FTSJ1: variants seen among roughly 807,000 people sequenced by gnomAD.
The protein encoded by FTSJ1 is FtsJ RNA 2'-O-methyltransferase 1.
A neutral mutation model predicts 28.5 loss-of-function variants in FTSJ1; 3 were observed. That is an observed-to-expected ratio of 0.11 (90% CI 0.05 to 0.27). The LOEUF is 0.27. FTSJ1 is among the 10% of genes least tolerant of loss of function. The probability of loss-of-function intolerance (pLI) is 1.00; values close to 1 mark genes in which losing one functional copy is unlikely to be tolerated. For synonymous variants in FTSJ1, 104 were observed against 113.9 expected (o/e 0.91, Z 0.55); for missense variants, 162 against 279.0 (o/e 0.58, Z 2.99).
chrX:48,478,522 A>T lies in FTSJ1; in HGVS notation c.191+4A>T, dbSNP rs1175847718. The T allele has an allele frequency of 8.3e-7, 1 of 1,206,033 alleles. No individual in the cohort carries two copies. The highest frequency in any genetic ancestry group is 1.1e-6 in the Non-Finnish European group (1 of 892,055). ...AGGTGCTGAGCCAGAAGATCGGGTA[A>T]GTGTGGGGGTCCCAGATGGGAGACC... is the stretch of plus-strand genomic sequence containing the variant. On this transcript the variant is annotated splice_donor_region_variant and intron_variant, in intron 3 of 12. Transcript: ENST00000348411.
At chrX:48,484,295 G>A (rs1556969503) in intron 12 of FTSJ1, among the ~76,000 whole-genome samples, 2 of 110,463 alleles carry the variant, frequency 1.8e-5, no homozygotes, top group South Asian at 3.8e-4. Context: ...TCTCAAACTC[G>A]TGACCTCAGG....
intron 2 of FTSJ1, 41 bp from the exon 3 acceptor site, chrX:48,478,408 T>C: frequency 8.5e-7 from 1 of 1,170,010 alleles, no homozygotes; most frequent in Non-Finnish European, 1.2e-6. Context: ...GTTGGAGAAG[T>C]GGGTGCAGCT....
Position 48,478,072 on chromosome X carries a change from C to A in FTSJ1, c.25C>A (p.Arg9=). MGRTSKDK[R]DVYYRLAKEN... ...AATGGGACGGACGTCAAAGGACAAG[C>A]GGGATGTCTACTACCGCCTGGCCAA... Residue 9 remains arginine (R), a synonymous_variant, in exon 2 of 13, where the codon CGG becomes AGG. Transcript: ENST00000348411. 1 of 1,210,698 alleles carries A rather than the reference C, an allele frequency of 8.3e-7. No individual in the cohort carries two copies. Among genetic ancestry groups the A allele is most frequent in the Non-Finnish European group, 1.1e-6 (1 of 894,537 alleles).
intron 5 of FTSJ1, among the ~76,000 whole-genome samples, chrX:48,480,623 C>T (rs905133702): frequency 1.8e-5 from 2 of 110,418 alleles, no homozygotes. Context: ...GCAGGGGCTC[C>T]GGGGTGGAGT....
chrX:48,479,866 G>A (rs1048512247), intron 5 of FTSJ1, among the ~76,000 whole-genome samples: 1 of 110,685 alleles, frequency 9.0e-6, no homozygotes, highest in Non-Finnish European at 1.9e-5. Context: ...TGAGGAGGCC[G>A]GGCACAGTGG....
intron 12 of FTSJ1, among the ~76,000 whole-genome samples, chrX:48,484,817 A>G (rs1260432099): frequency 1.8e-5 from 2 of 112,588 alleles, no homozygotes; most frequent in Non-Finnish European, 3.7e-5. Context: ...AGCACATGAA[A>G]AGCTGCTCAT....
chrX:48,483,967 G>C (rs1293056072), intron 12 of FTSJ1, among the ~76,000 whole-genome samples: 1 of 111,584 alleles, frequency 9.0e-6, no homozygotes, highest in East Asian at 2.8e-4. Context: ...TGGGAGGAAA[G>C]TTTATCCATA....
At chrX:48,478,977 G>A (rs1018776177) in intron 4 of FTSJ1, 61 bp from the exon 5 acceptor site, 1 of 919,913 alleles carries the variant, frequency 1.1e-6, no homozygotes, top group Non-Finnish European at 1.6e-6. Context: ...ACCATGGGCA[G>A]GCGGGATCTG....
At position 48,478,003 on chromosome X, in the gene FTSJ1, G is replaced by C. The variant is rs781805078; in HGVS notation, c.-45G>C. 3.3e-6 allele frequency: 4 copies of C among 1,208,665 alleles called. No individual in the cohort carries two copies. In the African/African-American group the frequency reaches 7.0e-5, roughly 21 times the overall value. On this transcript the variant is annotated 5_prime_UTR_variant, in exon 2 of 13. Transcript: ENST00000348411. ...TTCATCTGGTTACTGATACTGGCCGGCATCAGTGGACTGTCGGCAGGTCCT... is the reference window on the plus strand; with the variant it reads ...TTCATCTGGTTACTGATACTGGCCGCCATCAGTGGACTGTCGGCAGGTCCT...
Position 48,481,667 on chromosome X carries a change from G to C in FTSJ1, c.607G>C (p.Glu203Gln). 1 of 1,201,397 alleles carries C rather than the reference G, an allele frequency of 8.3e-7. No individual in the cohort carries two copies. Among genetic ancestry groups the C allele is most frequent in the Non-Finnish European group, 1.1e-6 (1 of 885,857 alleles). ...FAVCQGYDPP[E>Q]GFIPDLSKPL... is the part of the protein sequence containing the mutation. ...TGTCTGTCAGGGCTATGACCCTCCC[G>C]AGGGCTTCATCCCGGACCTGAGCAA... Residue 203 changes from glutamate (E) to glutamine (Q), a missense_variant, in exon 9 of 13, where the codon GAG (glutamate) becomes CAG (glutamine). By Grantham distance (29) the Glu-to-Gln change is conservative. Transcript: ENST00000348411.
chrX:48,477,888 C>T, intron 1 of FTSJ1, 73 bp from the exon 2 acceptor site: 1 of 780,655 alleles, frequency 1.3e-6, no homozygotes, highest in Admixed American at 2.7e-5. Context: ...TTCAGTCAGC[C>T]CATCTTCTGT....
At chrX:48,485,508 A>G (rs2061597161) in intron 12 of FTSJ1, among the ~76,000 whole-genome samples, 1 of 107,364 alleles carries the variant, frequency 9.3e-6, no homozygotes, top group Non-Finnish European at 1.9e-5. Flanking sequence ...AAAGGAGGAA[A>G]TGTCACAAAA....
At chrX:48,477,760 G>A (rs1384998158) in intron 1 of FTSJ1, among the ~76,000 whole-genome samples, 2 of 110,449 alleles carry the variant, frequency 1.8e-5, no homozygotes, top group Non-Finnish European at 3.8e-5. Flanking sequence ...GGTCTTTTGT[G>A]GGAACTGTGG....
intron 12 of FTSJ1, among the ~76,000 whole-genome samples, chrX:48,484,217 C>T (rs1196867880): frequency 2.8e-5 from 3 of 107,974 alleles, no homozygotes; most frequent in African/African-American, 6.8e-5. Flanking sequence ...TTACAGTGCC[C>T]GCCACTATGC....
Position 48,477,988 on chromosome X carries a change from T to A in FTSJ1, c.-60T>A, listed in dbSNP as rs2061543610. The A allele has an allele frequency of 8.3e-7, 1 of 1,207,048 alleles. No individual in the cohort carries two copies. Among genetic ancestry groups the A allele is most frequent in the Admixed American group, 2.2e-5 (1 of 45,630 alleles). On this transcript the variant is annotated 5_prime_UTR_variant, in exon 2 of 13. Coordinates refer to ENST00000348411, the MANE Select transcript of FTSJ1 (RefSeq NM_012280.4). ...GTAGGTGGTAGCCCATTCATCTGGT[T>A]ACTGATACTGGCCGGCATCAGTGGA...
intron 10 of FTSJ1, 33 bp downstream of exon 10, chrX:48,482,539 G>A (rs1396507575): frequency 8.4e-7 from 1 of 1,183,562 alleles, no homozygotes; most frequent in South Asian, 1.8e-5. Context: ...GTGGGTGGGA[G>A]GGAGGCTGTC....
intron 12 of FTSJ1, 113 bp downstream of exon 12, chrX:48,483,140 A>G (rs2061580596): frequency 1.7e-6 from 1 of 600,154 alleles, no homozygotes; most frequent in East Asian, 3.4e-5. Context: ...TAATCAACAA[A>G]CCCTTTTCTA....
chrX:48,483,073 A>T (rs782234988), intron 12 of FTSJ1, 46 bp downstream of exon 12: 1 of 992,596 alleles, frequency 1.0e-6, no homozygotes, highest in Non-Finnish European at 1.4e-6. Flanking sequence ...GGCAACCTTT[A>T]TGAAAAACCT....
intron 2 of FTSJ1, 71 bp from the exon 3 acceptor site, chrX:48,478,378 A>T: frequency 9.3e-7 from 1 of 1,077,178 alleles, no homozygotes; most frequent in Non-Finnish European, 1.3e-6. Flanking sequence ...GAGAGGGGTG[A>T]ATTTTGCAAG....
Sources: allele counts gnomAD v4.1 joint callset (sites outside exome capture counted in the v4.1 genomes callset), GRCh38; gene constraint gnomAD v4.1.1; transcripts MANE v1.5; gene names NCBI Gene and HGNC (gene_info 2026-07-23, HGNC 2026-07-21).